The following RGP1 variants were observed in gnomAD, a reference collection of about 807,000 sequenced individuals.
The protein encoded by RGP1 is RGP1 partner of RAB6A GEF complex, also known as RAB6A-GEF complex partner protein 2.
Under a neutral mutation model 44.5 loss-of-function variants are expected in RGP1, and 28 were observed. The ratio of observed to expected loss-of-function variants is 0.63; its 90% CI spans 0.47 to 0.86. The LOEUF (loss-of-function observed/expected upper bound fraction) is 0.86. Among genes scored for constraint, RGP1 ranks in the 40% least tolerant of loss-of-function variants. RGP1 has a pLI of 0.00. For synonymous variants in RGP1, 212 were observed against 196.7 expected (o/e 1.08, Z -0.65); for missense variants, 417 against 490.7 (o/e 0.85, Z 1.42).
downstream of RGP1, among the ~76,000 whole-genome samples, chr9:35,763,176 T>A (rs1827434534): frequency 6.6e-6 from 1 of 152,268 alleles, no homozygotes; most frequent in African/African-American, 2.4e-5. Flanking sequence ...TTCTATATTA[T>A]ATATACTGTT....
chr9:35,751,089 G>T, intron 5 of RGP1, 100 bp downstream of exon 5: 1 of 1,518,324 alleles, frequency 6.6e-7, no homozygotes, highest in Non-Finnish European at 9.0e-7. Flanking sequence ...AAACTTCCTG[G>T]TCTCAGTGAC....
the RGP1 span, among the ~76,000 whole-genome samples, chr9:35,763,957 G>A: frequency 6.6e-6 from 1 of 150,462 alleles, no homozygotes; most frequent in East Asian, 1.9e-4. Flanking sequence ...TCTGATAAGA[G>A]AGATTGAGAA....
At chr9:35,789,740 T>C in the RGP1 span, among the ~76,000 whole-genome samples, 9 of 151,972 alleles carry the variant, frequency 5.9e-5, no homozygotes, top group Non-Finnish European at 1.2e-4. Flanking sequence ...GTTTGGTGGC[T>C]ATTATATTGT....
the RGP1 span, among the ~76,000 whole-genome samples, chr9:35,771,942 A>G: frequency 6.6e-6 from 1 of 151,994 alleles, no homozygotes; most frequent in East Asian, 1.9e-4. Context: ...TTTTCTATTT[A>G]TGTATTATTT....
In RGP1 at chr9:35,752,822, C is replaced by A. The variant is rs745854562; in HGVS notation, c.1124C>A (p.Thr375Asn). 6.1e-5 allele frequency: 99 copies of A among 1,613,814 alleles called. No individual in the cohort carries two copies. Among genetic ancestry groups the A allele is most frequent in the Non-Finnish European group, 8.1e-5 (96 of 1,179,890 alleles). ...LPIKVLPTSP[T>N]LASYAAPGPS... ...ATCAAGGTGCTGCCTACTAGCCCCA[C>A]CCTGGCCTCATATGCTGCCCCAGGC... Residue 375 changes from threonine to asparagine, a missense_variant, in exon 9 of 9, where the codon ACC becomes AAC. Coordinates refer to ENST00000378078, the MANE Select transcript of RGP1 (RefSeq NM_001080496.3).
At position 35,753,435 on chromosome 9, in the gene RGP1, C is replaced by T. The variant is rs749975281; in HGVS notation, c.*561C>T. 4.4e-5 allele frequency: 38 copies of T among 866,838 alleles called. No homozygotes were observed. Among genetic ancestry groups the T allele is most frequent in the Non-Finnish European group, 6.3e-5 (36 of 574,468 alleles). The allele number at this position is 866,838 out of a possible 1,614,324, so 53.7% of individuals were successfully genotyped here. A position where few individuals can be genotyped will look rare whatever the true frequency, so the allele number is the denominator to read the frequency against. On this transcript the variant is annotated 3_prime_UTR_variant, in exon 9 of 9. Transcript: ENST00000378078. This position sits in a 1 kb window ranked among gnomAD's most constrained non-coding sequence, Gnocchi z 4.2. ...AAGCTGTCACCTACCATATGTGGGC[C>T]TTTTTGTTTTATAACAGGAGTATTT...
rs1402228497 is a variant in RGP1, at chr9:35,756,356, T to G, written c.*3482T>G. ...TCTCTTCACTGTTCAGAAATGACTG[T>G]GTCAGTGCACCTCAAACTCCCTTGC... On this transcript the variant is annotated 3_prime_UTR_variant, in exon 9 of 9. Transcript: ENST00000378078. 6.6e-6 allele frequency: 1 copy of G among 152,322 alleles called. No individual in the cohort carries two copies. The highest frequency in any genetic ancestry group is 1.5e-5 in the Non-Finnish European group (1 of 68,102). 9.4% of individuals were successfully genotyped at this position (152,322 alleles called of 1,614,324 possible). A position where few individuals can be genotyped will look rare whatever the true frequency, so the allele number is the denominator to read the frequency against.
At chr9:35,780,855 T>C in the RGP1 span, among the ~76,000 whole-genome samples, 1 of 152,132 alleles carries the variant, frequency 6.6e-6, no homozygotes, top group Non-Finnish European at 1.5e-5. Context: ...ATGGCGCCAC[T>C]GCACTCCAGC....
chr9:35,770,263 G>A, the RGP1 span, among the ~76,000 whole-genome samples: 4 of 152,194 alleles, frequency 2.6e-5, no homozygotes, highest in African/African-American at 9.7e-5. Flanking sequence ...GCACCTATGT[G>A]GATGATAGTG....
the RGP1 span, among the ~76,000 whole-genome samples, chr9:35,770,492 G>GGAGAGAGAGAGAGAGA: frequency 4.8e-4 from 51 of 107,092 alleles, 3 homozygotes; most frequent in East Asian, 1.4e-3. Flanking sequence ...GTATTACCAT[G>GGAGAGAGAGAGAGAGA]GAGAGAGAGA....
At chr9:35,777,742 T>C in the RGP1 span, among the ~76,000 whole-genome samples, 1 of 152,212 alleles carries the variant, frequency 6.6e-6, no homozygotes, top group African/African-American at 2.4e-5. Flanking sequence ...CAGAAAAGCC[T>C]TCTTAGCTCT....
At chr9:35,780,507 C>T in the RGP1 span, 1 of 152,200 alleles carries the variant, frequency 6.6e-6, no homozygotes, top group Admixed American at 6.5e-5. Context: ...ATTTATCCGT[C>T]ACGAAATCTA....
Position 35,751,756 on chromosome 9 carries a change from T to C in RGP1, c.762+2T>C. On this transcript the variant is annotated splice_donor_variant, in intron 7 of 8. Transcript: ENST00000378078. LOFTEE classifies it high-confidence loss of function. ...GAAGGAACCGTAGCTTGTTTGCAGG[T>C]AAGAAGGGAGCAGAGCTTCTTACCT... is the stretch of plus-strand genomic sequence containing the variant. The C allele has an allele frequency of 6.2e-7, 1 of 1,613,718 alleles. No individual in the cohort carries two copies. The highest frequency in any genetic ancestry group is 8.5e-7 in the Non-Finnish European group (1 of 1,179,820).
chr9:35,778,227 G>A, the RGP1 span, among the ~76,000 whole-genome samples: 4 of 152,092 alleles, frequency 2.6e-5, no homozygotes, highest in Admixed American at 6.6e-5. Context: ...ACTTGAACCC[G>A]GGAGACAGAG....
chr9:35,760,226 C>T (rs1827407040), downstream of RGP1, among the ~76,000 whole-genome samples: 1 of 151,856 alleles, frequency 6.6e-6, no homozygotes, highest in Admixed American at 6.6e-5. Context: ...CTGTGTAGCA[C>T]TGATTTCCAA....
At chr9:35,773,983 TG>T in the RGP1 span, among the ~76,000 whole-genome samples, 1 of 152,212 alleles carries the variant, frequency 6.6e-6, no homozygotes, top group African/African-American at 2.4e-5. Flanking sequence ...TTATTATTTC[TG>T]AAGATCTTTT....
chr9:35,756,587 T>G lies in RGP1; in HGVS notation c.*3713T>G, dbSNP rs1164275712. ...GCTGGAGCAGGTGGATTCGAAGGCCTGTCTAGCACGAGGGCCCAAAGGTCT... is the reference window on the plus strand; with the variant it reads ...GCTGGAGCAGGTGGATTCGAAGGCCGGTCTAGCACGAGGGCCCAAAGGTCT... On this transcript the variant is annotated 3_prime_UTR_variant, in exon 9 of 9. Coordinates refer to ENST00000378078, the MANE Select transcript of RGP1 (RefSeq NM_001080496.3). The G allele has an allele frequency of 6.6e-6, 1 of 152,360 alleles. No homozygotes were observed. Among genetic ancestry groups the G allele is most frequent in the Non-Finnish European group, 1.5e-5 (1 of 68,158 alleles). The allele number at this position is 152,360 out of a possible 1,614,324, so 9.4% of individuals were successfully genotyped here. A position where few individuals can be genotyped will look rare whatever the true frequency, so the allele number is the denominator to read the frequency against.
chr9:35,777,264 G>C, the RGP1 span, among the ~76,000 whole-genome samples: 1 of 150,362 alleles, frequency 6.7e-6, no homozygotes, highest in Non-Finnish European at 1.5e-5. Context: ...CCAGTAGCTG[G>C]GACTACAGGT....
chr9:35,769,685 G>A, the RGP1 span, among the ~76,000 whole-genome samples: 14 of 152,302 alleles, frequency 9.2e-5, no homozygotes, highest in East Asian at 2.1e-3. Context: ...AAAGATGAGA[G>A]AAATTAAAGG....
Sources: gnomAD v4.1 joint callset for allele counts (sites outside exome capture counted in the v4.1 genomes callset) on GRCh38, gnomAD v4.1.1 for gene constraint, Gnocchi (gnomAD v3.1) non-coding constraint, MANE v1.5 for transcripts, NCBI Gene and HGNC (gene_info 2026-07-23, HGNC 2026-07-21) for gene names.